Variants in DAZAP2 observed in about 807,000 individuals in gnomAD.
DAZAP2 encodes DAZ associated protein 2, also known as DAZ-associated protein 2.
A neutral mutation model predicts 16.2 loss-of-function variants in DAZAP2; 3 were observed. That is an observed-to-expected ratio of 0.19 (90% CI 0.08 to 0.48). The LOEUF is 0.48. DAZAP2 is among the 20% of genes least tolerant of loss of function. DAZAP2 has a pLI of 0.98. For synonymous variants in DAZAP2, 69 were observed against 77.6 expected (o/e 0.89, Z 0.58); for missense variants, 172 against 215.9 (o/e 0.80, Z 1.27).
intron 1 of DAZAP2, chr12:51,239,458 G>C (rs1944623045): frequency 6.8e-6 from 1 of 146,828 alleles, no homozygotes; most frequent in East Asian, 2.0e-4. Flanking sequence ...GGAATAGGTT[G>C]AGGGGGTAAA....
At chr12:51,246,449 T>C, downstream of DAZAP2, 1 of 421,728 alleles carries the variant, frequency 2.4e-6, no homozygotes, top group East Asian at 3.7e-5. Flanking sequence ...TATCTGATCC[T>C]CCCCCTCTTC....
intron 2 of DAZAP2, 91 bp downstream of exon 2, chr12:51,240,552 C>G: frequency 8.5e-7 from 1 of 1,176,506 alleles, no homozygotes; most frequent in Non-Finnish European, 1.3e-6. Context: ...CATATTTACT[C>G]TTCACAAATG....
At position 51,242,634 on chromosome 12, in the gene DAZAP2, G is replaced by A. The variant is rs1944698121; in HGVS notation, c.*176G>A. ...CAAATTTAATAAGGAACCATGTAAT[G>A]GTAGCAGTACCTCCCTAAAGCATTT... On this transcript the variant is annotated 3_prime_UTR_variant, in exon 4 of 4. Coordinates refer to ENST00000412716, the MANE Select transcript of DAZAP2 (RefSeq NM_014764.4). 4.5e-6 allele frequency: 7 copies of A among 1,558,322 alleles called. No homozygotes were observed. The East Asian group carries it at 1.7e-4, about 38-fold the overall frequency.
Position 51,242,388 on chromosome 12 carries a change from A to C in DAZAP2, c.437A>C (p.Asn146Thr). The C allele has an allele frequency of 1.9e-6, 3 of 1,613,952 alleles. No homozygotes were observed. The highest frequency in any genetic ancestry group is 2.5e-6 in the Non-Finnish European group (3 of 1,179,916). ...CAGCTTGCAGTCATGCAGGGAGCCAACGTCCTCGTAACTCAGCGGAAGGGG... is the reference window on the plus strand; with the variant it reads ...CAGCTTGCAGTCATGCAGGGAGCCACCGTCCTCGTAACTCAGCGGAAGGGG... The part of the protein sequence containing the change: ...AAQLAVMQGA[N>T]VLVTQRKGNF... The change falls in exon 4 of 4, where the codon AAC becomes ACC. Residue 146 changes from asparagine to threonine, a missense_variant. Asn to Thr is a moderately conservative substitution (Grantham distance 65, BLOSUM62 0). Transcript: ENST00000412716.
intron 1 of DAZAP2, 143 bp from the exon 2 acceptor site, chr12:51,240,200 A>C (rs1944647297): frequency 1.5e-6 from 1 of 685,302 alleles, no homozygotes; most frequent in Non-Finnish European, 2.6e-6. Flanking sequence ...ATATTTTCTT[A>C]GTTCCAGGAA....
chr12:51,246,688 TC>T, downstream of DAZAP2: 1 of 1,330,922 alleles, frequency 7.5e-7, no homozygotes, highest in Admixed American at 3.0e-5. Context: ...TTGGTCAGGC[TC>T]CCTCTGGAGA....
In DAZAP2 at chr12:51,243,655, CTG is replaced by C. The variant is rs1944722349; in HGVS notation, c.*1199_*1200del. The C allele has an allele frequency of 2.1e-5, 21 of 985,632 alleles. No homozygotes were observed. Among genetic ancestry groups the C allele is most frequent in the Non-Finnish European group, 2.5e-5 (21 of 829,912 alleles). 61.1% of individuals were successfully genotyped at this position (985,632 alleles called of 1,614,324 possible). On this transcript the variant is annotated 3_prime_UTR_variant, in exon 4 of 4. Transcript: ENST00000412716. Reference sequence around the variant, plus strand: ...ATGTGATGTTTGACTGTACCATTGACTGTTATGGAAGTTCAGCGTTGTATGTC... The same window carrying C: ...ATGTGATGTTTGACTGTACCATTGACTTATGGAAGTTCAGCGTTGTATGTC...
At chr12:51,246,007 G>A, downstream of DAZAP2, 1 of 1,613,916 alleles carries the variant, frequency 6.2e-7, no homozygotes, top group Non-Finnish European at 8.5e-7. Flanking sequence ...CGATGGCACT[G>A]GGCTCACCTT....
In DAZAP2 at chr12:51,242,863, GT is replaced by G; in HGVS notation, c.*406del. ...CTGATTGGTCTTTAATCTCCTTTAA[GT>G]CTTTGATATATATTACTTGTTATAA... On this transcript the variant is annotated 3_prime_UTR_variant, in exon 4 of 4. Coordinates refer to ENST00000412716, the MANE Select transcript of DAZAP2 (RefSeq NM_014764.4). 1 of 1,350,860 alleles carries G rather than the reference GT, an allele frequency of 7.4e-7. No individual in the cohort carries two copies. The highest frequency in any genetic ancestry group is 9.5e-7 in the Non-Finnish European group (1 of 1,055,896). The allele number at this position is 1,350,860 out of a possible 1,614,324, so 83.7% of individuals were successfully genotyped here. A position where few individuals can be genotyped will look rare whatever the true frequency, so the allele number is the denominator to read the frequency against.
rs368539743 is a variant in DAZAP2 at position 51,238,933 on chromosome 12, G to A, written c.13+13G>A. Reference sequence around the variant, plus strand: ...ATGAACAGCAAAGGCAAGGACCGAGGGTGGCAGAGGCCGTCGGGGGGAGTA... The same window carrying A: ...ATGAACAGCAAAGGCAAGGACCGAGAGTGGCAGAGGCCGTCGGGGGGAGTA... On this transcript the variant is annotated intron_variant, in intron 1 of 3. Transcript: ENST00000412716. 921 of 1,613,260 alleles carry A rather than the reference G, an allele frequency of 5.7e-4. No homozygotes were observed. Among genetic ancestry groups the A allele is most frequent in the Non-Finnish European group, 7.6e-4 (891 of 1,179,864 alleles).
chr12:51,243,711 G>A lies in DAZAP2; in HGVS notation c.*1253G>A. On this transcript the variant is annotated 3_prime_UTR_variant, in exon 4 of 4. Coordinates refer to ENST00000412716, the MANE Select transcript of DAZAP2 (RefSeq NM_014764.4). ...CTCTACACTGTGGTGCACTTAACTT[G>A]TGGAATTTTTATACTAAAAATGTAG... The A allele has an allele frequency of 2.0e-6, 2 of 985,618 alleles. No homozygotes were observed. The highest frequency in any genetic ancestry group is 4.7e-5 in the South Asian group (1 of 21,278). The allele number at this position is 985,618 out of a possible 1,614,324, so 61.1% of individuals were successfully genotyped here.
chr12:51,242,237 A>G (rs1172105242), intron 3 of DAZAP2, 93 bp from the exon 4 acceptor site: 40 of 1,492,794 alleles, frequency 2.7e-5, no homozygotes, highest in Non-Finnish European at 3.4e-5. Flanking sequence ...TGGTTAGCAC[A>G]TTGCCTCATC....
chr12:51,241,460 G>A (rs1944676296), intron 3 of DAZAP2, among the ~76,000 whole-genome samples: 2 of 152,078 alleles, frequency 1.3e-5, no homozygotes, highest in Admixed American at 6.6e-5. Flanking sequence ...GCATGGTGTT[G>A]CACTAGGAAC....
At chr12:51,240,223 G>A (rs1944648163) in intron 1 of DAZAP2, 120 bp from the exon 2 acceptor site, 5 of 764,772 alleles carry the variant, frequency 6.5e-6, no homozygotes, top group Non-Finnish European at 9.2e-6. Flanking sequence ...AGGCCCTCTG[G>A]GGCAGACTAT....
Position 51,238,870 on chromosome 12 carries a change from C to G in DAZAP2, c.-38C>G, listed in dbSNP as rs371335515. The G allele has an allele frequency of 7.9e-5, 127 of 1,612,786 alleles. No individual in the cohort carries two copies. The highest frequency in any genetic ancestry group is 1.0e-4 in the Non-Finnish European group (118 of 1,179,862). On this transcript the variant is annotated 5_prime_UTR_variant, in exon 1 of 4. Transcript: ENST00000412716. ...ACAGGAAGAGGACGAAAAAAATAAC[C>G]GTCCGCGACGCCGAGACAAACCGGA...
downstream of DAZAP2, chr12:51,246,315 C>T (rs1241996295): frequency 1.4e-6 from 1 of 725,950 alleles, no homozygotes; most frequent in Non-Finnish European, 2.2e-6. Context: ...TCTCCTGGTG[C>T]TTAAGCTAAG....
chr12:51,238,946 G>A (rs1386791133), intron 1 of DAZAP2, 26 bp downstream of exon 1: 2 of 1,612,828 alleles, frequency 1.2e-6, no homozygotes, highest in Non-Finnish European at 1.7e-6. Context: ...GGCAGAGGCC[G>A]TCGGGGGGAG....
downstream of DAZAP2, chr12:51,246,441 T>G: frequency 2.3e-6 from 1 of 436,630 alleles, no homozygotes; most frequent in Non-Finnish European, 4.1e-6. Flanking sequence ...AAGTGGTTTA[T>G]CTGATCCTCC....
downstream of DAZAP2, chr12:51,246,266 C>T (rs886475626): frequency 1.3e-5 from 15 of 1,130,162 alleles, no homozygotes; most frequent in African/African-American, 2.0e-4. Flanking sequence ...CCCATGTTCC[C>T]CCACCAACCC....
Sources: allele counts gnomAD v4.1 joint callset (sites outside exome capture counted in the v4.1 genomes callset), GRCh38; gene constraint gnomAD v4.1.1; transcripts MANE v1.5; gene names NCBI Gene and HGNC (gene_info 2026-07-23, HGNC 2026-07-21).